PLCH1: variants seen among roughly 807,000 people sequenced by gnomAD.
PLCH1 encodes phospholipase C eta 1.
In PLCH1, 60 loss-of-function variants were observed where a neutral mutation model predicts 126.7. The observed-to-expected ratio is 0.47, with a 90% confidence interval of 0.38 to 0.59. PLCH1 has a LOEUF of 0.59. Among genes scored for constraint, PLCH1 ranks in the 20% least tolerant of loss-of-function variants. The pLI is 0.00. For synonymous variants in PLCH1, 719 were observed against 734.9 expected, an observed-to-expected ratio of 0.98 and a Z score of 0.35; for missense variants, 1,723 against 2,040.0, an observed-to-expected ratio of 0.84 and a Z score of 2.99.
intron 15 of PLCH1, among the ~76,000 whole-genome samples, 197 bp from the exon 16 acceptor site, chr3:155,494,714 T>C (rs921405842): frequency 6.6e-6 from 1 of 152,188 alleles, no homozygotes; most frequent in African/African-American, 2.4e-5. Context: ...TTTTGCCATT[T>C]TGAGGCCAAA....
Position 155,464,578 on chromosome 3 carries a change from T to TA in PLCH1, c.2938+20777dup, listed in dbSNP as rs57554411. On this transcript the variant is annotated intron_variant, in intron 21 of 21. Coordinates refer to the PLCH1 transcript ENST00000494598. ...TACTTCCTGGATTCTGCAGTTCTAT[T>TA]AAAAAAAAAATCAGGAAGTCTGTTA... 1.5e-3 allele frequency among the ~76,000 whole-genome samples: 219 copies of TA among 149,702 alleles called. 2 individuals are homozygous for TA. The highest frequency in any genetic ancestry group is 1.7e-3 in the South Asian group (8 of 4,730).
At chr3:155,626,313 G>C (rs1737241623) in intron 2 of PLCH1, among the ~76,000 whole-genome samples, 1 of 152,040 alleles carries the variant, frequency 6.6e-6, no homozygotes, top group Non-Finnish European at 1.5e-5. Flanking sequence ...ACACTGGTAG[G>C]TCAATGAAAT....
intron 1 of PLCH1, among the ~76,000 whole-genome samples, chr3:155,738,176 G>A (rs1040524640): frequency 6.6e-6 from 1 of 152,178 alleles, no homozygotes; most frequent in African/African-American, 2.4e-5. Flanking sequence ...AAAACCCAGA[G>A]AGCCCTCCAG....
At chr3:155,708,572 C>T (rs772745966) in intron 1 of PLCH1, among the ~76,000 whole-genome samples, 6 of 152,166 alleles carry the variant, frequency 3.9e-5, no homozygotes, top group Non-Finnish European at 7.3e-5. Flanking sequence ...TGTGTGAACA[C>T]AGTAGGTAAA....
At chr3:155,630,742 A>C (rs9847398) in intron 2 of PLCH1, among the ~76,000 whole-genome samples, 2 of 152,126 alleles carry the variant, frequency 1.3e-5, no homozygotes, top group South Asian at 2.1e-4. Flanking sequence ...ACTATGATTG[A>C]TTCTGGCTTA....
At chr3:155,498,998 T>C (rs994130482) in intron 14 of PLCH1, among the ~76,000 whole-genome samples, 3 of 152,212 alleles carry the variant, frequency 2.0e-5, no homozygotes, top group Non-Finnish European at 2.9e-5. Flanking sequence ...AGAATATCTA[T>C]ACATAAAATA....
At chr3:155,694,293 C>T (rs1745641118) in intron 2 of PLCH1, among the ~76,000 whole-genome samples, 1 of 152,152 alleles carries the variant, frequency 6.6e-6, no homozygotes, top group Non-Finnish European at 1.5e-5. Flanking sequence ...AAAATCAGAG[C>T]CTCTGAGCTG....
intron 21 of PLCH1, among the ~76,000 whole-genome samples, chr3:155,458,885 C>T (rs1032059773): frequency 6.6e-6 from 1 of 152,180 alleles, no homozygotes; most frequent in Non-Finnish European, 1.5e-5. Flanking sequence ...TTCCTACCCT[C>T]TTTCTTTACT....
chr3:155,621,443 T>C (rs897988840), intron 2 of PLCH1, among the ~76,000 whole-genome samples: 1 of 152,054 alleles, frequency 6.6e-6, no homozygotes, highest in African/African-American at 2.4e-5. Context: ...CTTCAGAAGG[T>C]GAGTAATAAC....
In PLCH1 at chr3:155,568,268, T is replaced by C. The variant is rs748711804; in HGVS notation, c.828A>G (p.Ser276=). 1 of 1,541,418 alleles carries C rather than the reference T, an allele frequency of 6.5e-7. No individual in the cohort carries two copies. Among genetic ancestry groups the C allele is most frequent in the South Asian group, 1.1e-5 (1 of 88,690 alleles). ...GAACATTTTTCACCTTATTTTCTTC[T>C]GAAACTTCAAACTTCTTTATGATGT... ...CLDIIKKFEV[S]EENKVKNVLG... Residue 276 remains serine, a synonymous_variant, in exon 7 of 23, where the codon TCA becomes TCG. Coordinates refer to ENST00000460012, the MANE Select transcript of PLCH1 (RefSeq NM_014996.4).
At chr3:155,704,318 C>T (rs1653782472) in intron 1 of PLCH1, 54 bp from the exon 2 acceptor site, 1 of 445,774 alleles carries the variant, frequency 2.2e-6, no homozygotes, top group Non-Finnish European at 3.7e-6. Context: ...GCCACACGCT[C>T]ACACTGGTAG....
At chr3:155,510,963 T>G (rs1719382036) in intron 12 of PLCH1, among the ~76,000 whole-genome samples, 1 of 123,316 alleles carries the variant, frequency 8.1e-6, no homozygotes, top group Admixed American at 8.1e-5. Flanking sequence ...TCCAACTTGG[T>G]TCCATTCTCC....
chr3:155,633,360 C>G (rs1482211584), intron 2 of PLCH1, among the ~76,000 whole-genome samples: 1 of 123,268 alleles, frequency 8.1e-6, no homozygotes, highest in Admixed American at 8.3e-5. Context: ...AAAAAAAAAA[C>G]CTACTCTTTC....
intron 6 of PLCH1, among the ~76,000 whole-genome samples, chr3:155,582,124 C>T (rs1664870001): frequency 2.2e-5 from 3 of 134,194 alleles, no homozygotes; most frequent in Non-Finnish European, 1.5e-5. Context: ...CTCTGCCGCC[C>T]AGGCTGGAGT....
intron 2 of PLCH1, among the ~76,000 whole-genome samples, chr3:155,643,515 G>T (rs978019136): frequency 6.6e-6 from 1 of 152,202 alleles, no homozygotes; most frequent in African/African-American, 2.4e-5. Context: ...TAATTTTAGG[G>T]TAATTTGTTG....
At chr3:155,575,475 T>C (rs534219694) in intron 6 of PLCH1, among the ~76,000 whole-genome samples, 2 of 152,306 alleles carry the variant, frequency 1.3e-5, no homozygotes, top group South Asian at 2.1e-4. Flanking sequence ...ACGGGTAATG[T>C]ATAGATCTAT....
intron 10 of PLCH1, among the ~76,000 whole-genome samples, chr3:155,548,073 C>A (rs982066261): frequency 1.3e-5 from 2 of 151,906 alleles, no homozygotes; most frequent in Non-Finnish European, 2.9e-5. Context: ...AAAAAATGAA[C>A]TTTGCCTGTA....
intron 21 of PLCH1, among the ~76,000 whole-genome samples, chr3:155,471,529 G>A (rs1326551329): frequency 4.1e-5 from 6 of 146,078 alleles, no homozygotes; most frequent in East Asian, 4.0e-4. Flanking sequence ...GAGACAGAAA[G>A]TCAACAAGGA....
intron 9 of PLCH1, among the ~76,000 whole-genome samples, chr3:155,553,854 G>A (rs1371161651): frequency 6.6e-6 from 1 of 152,192 alleles, no homozygotes; most frequent in Non-Finnish European, 1.5e-5. Flanking sequence ...GAGGCATATT[G>A]AGAAAGAATG....
Sources: gnomAD v4.1 joint callset for allele counts (sites outside exome capture counted in the v4.1 genomes callset) on GRCh38, gnomAD v4.1.1 for gene constraint, MANE v1.5 for transcripts, NCBI Gene and HGNC (gene_info 2026-07-23, HGNC 2026-07-21) for gene names.